Variants in ZFC3H1 observed in about 807,000 individuals in gnomAD.
ZFC3H1 encodes zinc finger C3H1-type containing, also known as zinc finger C3H1 domain-containing protein.
A neutral mutation model predicts 243.7 loss-of-function variants in ZFC3H1; 71 were observed. The ratio of observed to expected loss-of-function variants is 0.29; its 90% CI spans 0.24 to 0.36. The LOEUF (loss-of-function observed/expected upper bound fraction) is 0.36, where lower values mean the gene tolerates loss of function less well. Among genes scored for constraint, ZFC3H1 ranks in the 10% least tolerant of loss-of-function variants. The probability of loss-of-function intolerance (pLI) is 1.00; values close to 1 mark genes in which losing one functional copy is unlikely to be tolerated. For missense variants in ZFC3H1, 1,966 were observed against 2,317.1 expected (o/e 0.85, Z 3.11); for synonymous variants, 838 against 813.0 (o/e 1.03, Z -0.52).
intron 2 of ZFC3H1, among the ~76,000 whole-genome samples, chr12:71,652,287 A>G (rs191001147): frequency 1.3e-5 from 2 of 152,316 alleles, no homozygotes; most frequent in Admixed American, 1.3e-4. Context: ...TTTCCAAAAC[A>G]CACATCTGAT....
Position 71,626,337 on chromosome 12 carries a change from T to C in ZFC3H1, c.4240A>G (p.Arg1414Gly). Residue 1414 changes from arginine (R) to glycine (G), a missense_variant, in exon 22 of 35, where the codon AGA becomes GGA. Physicochemically the swap from Arg to Gly is moderately radical, Grantham distance 125. Around this residue, in one of 4 missense-constraint regions of ZFC3H1, gnomAD observed 1,383 missense variants for 1,723.7 expected, o/e 0.80. Coordinates refer to ENST00000378743, the MANE Select transcript of ZFC3H1 (RefSeq NM_144982.5). Reference protein sequence around the residue: ...WCHYLRLFSKRGTKDEVQEMC... With the variant: ...WCHYLRLFSKGGTKDEVQEMC... ...TCCTGCACCTCGTCCTTGGTTCCTCTTTTTGAGAACAATCTGAGGTAATGG... is the reference window on the plus strand; with the variant it reads ...TCCTGCACCTCGTCCTTGGTTCCTCCTTTTGAGAACAATCTGAGGTAATGG... 6.2e-7 allele frequency: 1 copy of C among 1,614,096 alleles called. No homozygotes were observed. Among genetic ancestry groups the C allele is most frequent in the Non-Finnish European group, 8.5e-7 (1 of 1,179,994 alleles).
In ZFC3H1 at chr12:71,656,567, C is replaced by CA. The variant is rs763104072; in HGVS notation, c.1015+317dup. 135 of 638,228 alleles carry CA rather than the reference C, an allele frequency of 2.1e-4. 1 individual carries two copies. Among genetic ancestry groups the CA allele is most frequent in the African/African-American group, 2.0e-3 (106 of 54,008 alleles). 39.5% of individuals were successfully genotyped at this position (638,228 alleles called of 1,614,324 possible). ...TCCTTTACCCGATAAGGGATACCTA[C>CA]AAAAAAATTAACATCATATTTAATG... On this transcript the variant is annotated intron_variant, in intron 2 of 34. Transcript: ENST00000378743.
intron 23 of ZFC3H1, among the ~76,000 whole-genome samples, 164 bp from the exon 24 acceptor site, chr12:71,623,761 GT>G (rs1326041468): frequency 6.6e-6 from 1 of 151,754 alleles, no homozygotes; most frequent in Non-Finnish European, 1.5e-5. Context: ...AGACAAAACA[GT>G]AAAAAGAAAA....
Position 71,663,144 on chromosome 12 carries a change from C to G in ZFC3H1, c.467G>C (p.Arg156Pro). The change falls in exon 1 of 35, where the codon CGC becomes CCC. Residue 156 changes from arginine (R) to proline (P), a missense_variant. By Grantham distance (103) the Arg-to-Pro change is moderately radical. This residue lies in a region of ZFC3H1 where 484 missense variants were observed against 449.7 expected (regional missense o/e 1.08). Coordinates refer to ENST00000378743, the MANE Select transcript of ZFC3H1 (RefSeq NM_144982.5). ...ACCCACTCCTCGCCCCCGACTCCAGCGACTCCCACCCCGGTAAGGCCTGCC... is the reference window on the plus strand; with the variant it reads ...ACCCACTCCTCGCCCCCGACTCCAGGGACTCCCACCCCGGTAAGGCCTGCC... ...FRGRPYRGGS[R>P]WSRGRGVGER... The G allele has an allele frequency of 6.2e-7, 1 of 1,614,006 alleles. No individual in the cohort carries two copies. The highest frequency in any genetic ancestry group is 1.1e-5 in the South Asian group (1 of 91,082).
rs1482594733 is a variant in ZFC3H1, at chr12:71,620,248, A to G, written c.4812T>C (p.Leu1604=). Residue 1604 remains leucine (L), a synonymous_variant, in exon 25 of 35, where the codon CTT becomes CTC. Coordinates refer to ENST00000378743, the MANE Select transcript of ZFC3H1 (RefSeq NM_144982.5). ...GGTGCAGAGCAATCATGTTTGTGTA[A>G]AGTGGAAGGCAGGCCTCTATTCTTT... is the stretch of plus-strand genomic sequence containing the variant. ...VEERIEACLP[L]YTNMIALHQL... 1 of 1,614,166 alleles carries G rather than the reference A, an allele frequency of 6.2e-7. No individual in the cohort carries two copies. Among genetic ancestry groups the G allele is most frequent in the East Asian group, 2.2e-5 (1 of 44,874 alleles).
intron 1 of ZFC3H1, among the ~76,000 whole-genome samples, chr12:71,659,520 A>C (rs1368835111): frequency 8.5e-5 from 13 of 152,084 alleles, no homozygotes; most frequent in Admixed American, 8.5e-4. Context: ...TAAGTTCTGT[A>C]ATTATCTGCA....
At chr12:71,637,138 G>GA (rs1174036582) in intron 7 of ZFC3H1, 79 bp from the exon 8 acceptor site, 40 of 1,209,784 alleles carry the variant, frequency 3.3e-5, no homozygotes, top group Admixed American at 5.4e-5. Context: ...TATTAAACTA[G>GA]AAAAAAATAA....
At chr12:71,613,176 T>C (rs1879814079) in intron 31 of ZFC3H1, among the ~76,000 whole-genome samples, 159 bp downstream of exon 31, 1 of 152,190 alleles carries the variant, frequency 6.6e-6, no homozygotes, top group African/African-American at 2.4e-5. Flanking sequence ...TTTGAATGAA[T>C]AGCTAAATAT....
In ZFC3H1 at chr12:71,663,303, C is replaced by G; in HGVS notation, c.308G>C (p.Ser103Thr). Residue 103 changes from serine to threonine, a missense_variant, in exon 1 of 35, where the codon AGC (serine) becomes ACC (threonine). Ser to Thr is a moderately conservative substitution (Grantham distance 58, BLOSUM62 1). Coordinates refer to ENST00000378743, the MANE Select transcript of ZFC3H1 (RefSeq NM_144982.5). ...CCGGAACGGTTCTTTGGGTCGGTAGCTGCTGGGTCCCCTGAGGTGGCCCCG... is the reference window on the plus strand; with the variant it reads ...CCGGAACGGTTCTTTGGGTCGGTAGGTGCTGGGTCCCCTGAGGTGGCCCCG... ...SERGHLRGPS[S>T]YRPKEPFRSH... The G allele has an allele frequency of 1.9e-6, 3 of 1,613,426 alleles. No individual in the cohort carries two copies. Among genetic ancestry groups the G allele is most frequent in the South Asian group, 1.1e-5 (1 of 91,088 alleles).
At chr12:71,627,011 G>A (rs1880186331) in intron 21 of ZFC3H1, among the ~76,000 whole-genome samples, 1 of 152,018 alleles carries the variant, frequency 6.6e-6, no homozygotes, top group South Asian at 2.1e-4. Flanking sequence ...ACATGGAAAT[G>A]ACACACAGGA....
chr12:71,611,810 G>C lies in ZFC3H1; in HGVS notation c.5705C>G (p.Pro1902Arg). Reference protein sequence around the residue: ...LQAKMFTYNIPTCLATWKIAI... With the variant: ...LQAKMFTYNIRTCLATWKIAI... ...CATTTTCCAGGTGGCCAGGCATGTTGGGATATTATATGTAAACATCTTGGC... is the reference window on the plus strand; with the variant it reads ...CATTTTCCAGGTGGCCAGGCATGTTCGGATATTATATGTAAACATCTTGGC... Residue 1902 changes from proline to arginine, a missense_variant, in exon 32 of 35, where the codon CCA (proline) becomes CGA (arginine). Physicochemically the swap from Pro to Arg is moderately radical, Grantham distance 103. Transcript: ENST00000378743. The C allele has an allele frequency of 6.2e-7, 1 of 1,609,694 alleles. No individual in the cohort carries two copies. The highest frequency in any genetic ancestry group is 8.5e-7 in the Non-Finnish European group (1 of 1,177,214).
intron 7 of ZFC3H1, among the ~76,000 whole-genome samples, chr12:71,638,098 AAGAG>A (rs553395502): frequency 2.0e-4 from 30 of 152,162 alleles, no homozygotes; most frequent in Non-Finnish European, 4.1e-4. Flanking sequence ...TTCCCTAAAA[AAGAG>A]ACAGTCCAAA....
chr12:71,638,348 C>A, intron 7 of ZFC3H1, 70 bp downstream of exon 7: 4 of 1,458,396 alleles, frequency 2.7e-6, no homozygotes, highest in Non-Finnish European at 2.8e-6. Flanking sequence ...CAAACCTAAC[C>A]ATTCGTTTTT....
rs753596773 is a variant in ZFC3H1 at position 71,620,137 on chromosome 12, G to GA, written c.4851-14dup. On this transcript the variant is annotated splice_polypyrimidine_tract_variant and intron_variant, in intron 25 of 34. Coordinates refer to ENST00000378743, the MANE Select transcript of ZFC3H1 (RefSeq NM_144982.5). Reference sequence around the variant, plus strand: ...TGCAGCCTCATACCTTAACAAAAAAGAAAAAAAAAGGCTAAAGACATGAAA... The same window carrying GA: ...TGCAGCCTCATACCTTAACAAAAAAGAAAAAAAAAAGGCTAAAGACATGAAA... The GA allele has an allele frequency of 8.0e-5, 126 of 1,584,342 alleles. No homozygotes were observed. The highest frequency in any genetic ancestry group is 2.0e-4 in the Admixed American group (11 of 54,138).
intron 19 of ZFC3H1, 81 bp from the exon 20 acceptor site, chr12:71,629,118 G>C: frequency 8.3e-7 from 1 of 1,201,822 alleles, no homozygotes; most frequent in Non-Finnish European, 1.1e-6. Context: ...AATAATATTT[G>C]AGAAGAACTA....
At chr12:71,649,864 G>A (rs769401166) in intron 2 of ZFC3H1, among the ~76,000 whole-genome samples, 1 of 152,132 alleles carries the variant, frequency 6.6e-6, no homozygotes, top group Non-Finnish European at 1.5e-5. Context: ...TAACATAGCA[G>A]GTACCTTATG....
intron 14 of ZFC3H1, 49 bp downstream of exon 14, chr12:71,632,837 T>C (rs1359455939): frequency 2.5e-6 from 4 of 1,595,934 alleles, no homozygotes; most frequent in Non-Finnish European, 3.4e-6. Flanking sequence ...AAAACTATCA[T>C]AAAAACTTTC....
chr12:71,648,493 A>G (rs1880785519), intron 2 of ZFC3H1, among the ~76,000 whole-genome samples: 1 of 152,210 alleles, frequency 6.6e-6, no homozygotes, highest in Non-Finnish European at 1.5e-5. Flanking sequence ...GATTATGTTA[A>G]AAACTCAGAA....
rs1287451327 is a variant in ZFC3H1, at chr12:71,645,022, A to G, written c.1134T>C (p.Ala378=). 2 of 1,613,722 alleles carry G rather than the reference A, an allele frequency of 1.2e-6. No individual in the cohort carries two copies. Among genetic ancestry groups the G allele is most frequent in the Non-Finnish European group, 1.7e-6 (2 of 1,180,022 alleles). ...GCCATTTTTTACTGGCTGACTGAAG[A>G]GCCAAAAGGCGAAGCTGTAATTCAG... ...ELSELQLRLL[A]LQSASKKWQQ... The change falls in exon 4 of 35, where the codon GCT becomes GCC. Residue 378 remains alanine, a synonymous_variant. Transcript: ENST00000378743.
Sources: gnomAD v4.1 joint callset for allele counts (sites outside exome capture counted in the v4.1 genomes callset) on GRCh38, gnomAD v4.1.1 for gene constraint, gnomAD v4.1.1 regional missense constraint, MANE v1.5 for transcripts, NCBI Gene and HGNC (gene_info 2026-07-23, HGNC 2026-07-21) for gene names.